Variants in ADGRB3 observed in about 807,000 individuals in gnomAD.
The protein encoded by ADGRB3 is brain-specific angiogenesis inhibitor 3.
In ADGRB3, 37 loss-of-function variants were observed where a neutral mutation model predicts 193.4. The observed-to-expected ratio is 0.19, with a 90% CI of 0.15 to 0.25. ADGRB3 has a LOEUF of 0.25. Among genes scored for constraint, ADGRB3 ranks in the 10% least tolerant of loss-of-function variants. The pLI is 1.00. For missense variants in ADGRB3, 1,637 were observed against 1,852.9 expected, an observed-to-expected ratio of 0.88 and a Z score of 2.14; for synonymous variants, 690 against 644.2, an observed-to-expected ratio of 1.07 and a Z score of -1.08.
chr6:69,318,231 A>G (rs976459785), intron 20 of ADGRB3, among the ~76,000 whole-genome samples: 1 of 151,450 alleles, frequency 6.6e-6, no homozygotes, highest in African/African-American at 2.4e-5. Context: ...GATGATCTTT[A>G]TTAACCAAGA....
intron 17 of ADGRB3, among the ~76,000 whole-genome samples, chr6:69,191,646 G>T (rs1044519869): frequency 1.3e-5 from 2 of 152,084 alleles, no homozygotes; most frequent in African/African-American, 2.4e-5. Flanking sequence ...AAAGAGAACT[G>T]CATTTGAAAT....
At chr6:68,883,692 C>T (rs1023371368) in intron 3 of ADGRB3, among the ~76,000 whole-genome samples, 2 of 152,132 alleles carry the variant, frequency 1.3e-5, no homozygotes, top group Admixed American at 6.5e-5. Context: ...AGCGAGACCA[C>T]GAACCCACCA....
chr6:68,941,616 T>A (rs2150250428), intron 5 of ADGRB3, among the ~76,000 whole-genome samples: 1 of 152,050 alleles, frequency 6.6e-6, no homozygotes, highest in South Asian at 2.1e-4. Context: ...GAATTTTACA[T>A]AGCATCATTA....
intron 3 of ADGRB3, among the ~76,000 whole-genome samples, chr6:68,678,521 T>C (rs184354094): frequency 1.3e-4 from 20 of 152,200 alleles, no homozygotes; most frequent in African/African-American, 4.3e-4. Flanking sequence ...TTAGAACATA[T>C]AAAAGACAGG....
At chr6:69,279,421 C>T (rs9454724) in intron 20 of ADGRB3, among the ~76,000 whole-genome samples, 1,797 of 151,290 alleles carry the variant, frequency 0.012, 28 homozygotes, top group African/African-American at 0.041. Flanking sequence ...TTCACACCAT[C>T]GTAAAGGCGA....
chr6:69,332,571 G>T, intron 23 of ADGRB3: 6 of 985,396 alleles, frequency 6.1e-6, no homozygotes, highest in Non-Finnish European at 7.2e-6. Flanking sequence ...TGGGCATAGG[G>T]TAAAACTGCT....
chr6:69,296,993 T>C (rs746928722), intron 20 of ADGRB3, among the ~76,000 whole-genome samples: 1 of 152,108 alleles, frequency 6.6e-6, no homozygotes, highest in Non-Finnish European at 1.5e-5. Context: ...GTTATAGGCT[T>C]ATATTTCAGT....
chr6:69,351,239 C>T (rs942842436), intron 26 of ADGRB3, among the ~76,000 whole-genome samples: 1 of 151,812 alleles, frequency 6.6e-6, no homozygotes, highest in Non-Finnish European at 1.5e-5. Context: ...ATTACAGGCA[C>T]CTGCCACCAC....
intron 29 of ADGRB3, among the ~76,000 whole-genome samples, chr6:69,368,512 A>G (rs1016216903): frequency 1.3e-5 from 2 of 152,138 alleles, no homozygotes; most frequent in African/African-American, 4.8e-5. Flanking sequence ...ATTTTCTATC[A>G]TGGGAAAGGC....
At chr6:68,733,233 T>G (rs768229648) in intron 3 of ADGRB3, among the ~76,000 whole-genome samples, 128 of 147,236 alleles carry the variant, frequency 8.7e-4, no homozygotes, top group Middle Eastern at 3.6e-3. Context: ...ATTATATCTA[T>G]ATATATATAA....
intron 3 of ADGRB3, among the ~76,000 whole-genome samples, chr6:68,723,807 CAAACGGTGGTTCTCA>C (rs1160624778): frequency 6.6e-6 from 1 of 151,692 alleles, no homozygotes; most frequent in Non-Finnish European, 1.5e-5. Context: ...GTCGCCACTA[CAAACGGTGGTTCTCA>C]ACTGGAGATT....
At chr6:68,797,679 A>G (rs1253418619) in intron 3 of ADGRB3, among the ~76,000 whole-genome samples, 2 of 152,190 alleles carry the variant, frequency 1.3e-5, no homozygotes, top group Non-Finnish European at 2.9e-5. Flanking sequence ...CTAGGGATTT[A>G]ACCACCTCAC....
chr6:69,162,347 GTAACT>G (rs1775019843), intron 17 of ADGRB3, among the ~76,000 whole-genome samples: 1 of 152,084 alleles, frequency 6.6e-6, no homozygotes, highest in Admixed American at 6.6e-5. Flanking sequence ...ATATTGGAAA[GTAACT>G]TAAGTTATAT....
At chr6:69,165,408 C>A (rs574793511) in intron 17 of ADGRB3, among the ~76,000 whole-genome samples, 1 of 151,810 alleles carries the variant, frequency 6.6e-6, no homozygotes, top group Admixed American at 6.6e-5. Context: ...AGCCATCCCC[C>A]CCAACTTCAC....
At chr6:69,255,263 G>C (rs1766732419) in intron 20 of ADGRB3, among the ~76,000 whole-genome samples, 1 of 152,086 alleles carries the variant, frequency 6.6e-6, no homozygotes, top group Non-Finnish European at 1.5e-5. Flanking sequence ...TCTAGTTCTA[G>C]ATCCCTGAGG....
intron 11 of ADGRB3, among the ~76,000 whole-genome samples, chr6:69,013,264 A>T (rs1346420656): frequency 2.6e-5 from 4 of 152,100 alleles, no homozygotes; most frequent in Non-Finnish European, 5.9e-5. Flanking sequence ...TCCATTGTGA[A>T]TGGAATATGA....
At chr6:68,931,781 G>A (rs1006230498) in intron 4 of ADGRB3, among the ~76,000 whole-genome samples, 3 of 152,094 alleles carry the variant, frequency 2.0e-5, no homozygotes, top group Admixed American at 1.3e-4. Flanking sequence ...AGAAGATTTT[G>A]ATACATTAGT....
intron 15 of ADGRB3, among the ~76,000 whole-genome samples, chr6:69,058,123 G>T (rs1306045771): frequency 2.0e-5 from 3 of 151,444 alleles, no homozygotes; most frequent in African/African-American, 7.3e-5. Flanking sequence ...CTAGTTATGG[G>T]TCTATTCAGA....
At chr6:69,137,840 C>T (rs1774200453) in intron 17 of ADGRB3, among the ~76,000 whole-genome samples, 1 of 152,058 alleles carries the variant, frequency 6.6e-6, no homozygotes, top group Admixed American at 6.5e-5. Flanking sequence ...GTGTACGATG[C>T]CTAAACACAA....
Sources: gnomAD v4.1 joint callset for allele counts (sites outside exome capture counted in the v4.1 genomes callset) on GRCh38, gnomAD v4.1.1 for gene constraint, MANE v1.5 for transcripts, NCBI Gene and HGNC (gene_info 2026-07-23, HGNC 2026-07-21) for gene names.